The following CDH19 variants were observed in gnomAD, a reference collection of about 807,000 sequenced individuals.
CDH19 encodes cadherin 19.
In CDH19, 67 loss-of-function variants were observed where a neutral mutation model predicts 64.2. The ratio of observed to expected loss-of-function variants is 1.04; its 90% confidence interval spans 0.86 to 1.28. The LOEUF (loss-of-function observed/expected upper bound fraction) is 1.28. Ranked by LOEUF, CDH19 falls within the 50% of genes most tolerant of loss-of-function variation. CDH19 has a pLI of 0.00. For synonymous variants in CDH19, 346 were observed against 319.3 expected, an observed-to-expected ratio of 1.08 and a Z score of -0.89; for missense variants, 1,030 against 929.0, an observed-to-expected ratio of 1.11 and a Z score of -1.41.
intron 1 of CDH19, among the ~76,000 whole-genome samples, chr18:66,574,965 T>C (rs986871572): frequency 3.3e-5 from 5 of 151,778 alleles, no homozygotes; most frequent in African/African-American, 9.7e-5. Flanking sequence ...ATCAGCTGAA[T>C]TGAAAGAGAA....
rs371688912 is a variant in CDH19 at position 66,572,098 on chromosome 18, C to G, written c.107G>C (p.Arg36Pro). The change falls in exon 2 of 12, where the codon CGA (arginine) becomes CCA (proline). Residue 36 changes from arginine (R) to proline (P), a missense_variant. By Grantham distance (103) the Arg-to-Pro change is moderately radical. Transcript: ENST00000262150. ...SQTKKVKQPV[R>P]SHLRVKRGWV... ...GCCACGCTTCACTCTCAAATGAGAT[C>G]GCACTGGCTGCTTGACTTTCTTTGT... 1 of 1,611,594 alleles carries G rather than the reference C, an allele frequency of 6.2e-7. No individual in the cohort carries two copies. Among genetic ancestry groups the G allele is most frequent in the Non-Finnish European group, 8.5e-7 (1 of 1,178,404 alleles).
intron 7 of CDH19, among the ~76,000 whole-genome samples, chr18:66,542,067 A>T (rs1052211145): frequency 3.3e-5 from 5 of 152,178 alleles, no homozygotes; most frequent in African/African-American, 4.8e-5. Context: ...TATAAATGAT[A>T]ACATATGAAT....
Position 66,568,637 on chromosome 18 carries a change from A to G in CDH19, c.269T>C (p.Phe90Ser). The G allele has an allele frequency of 1.2e-6, 2 of 1,611,702 alleles. No homozygotes were observed. The highest frequency in any genetic ancestry group is 2.2e-5 in the South Asian group (2 of 91,028). The change falls in exon 3 of 12, where the codon TTT becomes TCT. Residue 90 changes from phenylalanine (F) to serine (S), a missense_variant. Transcript: ENST00000262150. ...KLLGAGAGST[F>S]IIDERTGDIY... ...GTCACCTGTTCTTTCATCAATGATAAAAGTACTTCCAGCTCCAGCTCCCAA... is the reference window on the plus strand; with the variant it reads ...GTCACCTGTTCTTTCATCAATGATAGAAGTACTTCCAGCTCCAGCTCCCAA...
At chr18:66,515,872 C>T (rs531187695) in intron 9 of CDH19, among the ~76,000 whole-genome samples, 7 of 151,868 alleles carry the variant, frequency 4.6e-5, no homozygotes, top group African/African-American at 1.7e-4. Context: ...TTACAGCACT[C>T]CAAGCAATCC....
intron 1 of CDH19, among the ~76,000 whole-genome samples, chr18:66,578,225 A>G (rs1299898386): frequency 6.6e-6 from 1 of 151,990 alleles, no homozygotes; most frequent in Non-Finnish European, 1.5e-5. Flanking sequence ...GACTGAGCGA[A>G]TATTTGTTAA....
intron 9 of CDH19, among the ~76,000 whole-genome samples, chr18:66,514,986 A>G (rs1298854052): frequency 6.6e-6 from 1 of 151,682 alleles, no homozygotes; most frequent in Non-Finnish European, 1.5e-5. Flanking sequence ...GGATTAGTCA[A>G]TGAATAAATT....
intron 9 of CDH19, among the ~76,000 whole-genome samples, chr18:66,513,275 T>C (rs544059013): frequency 6.6e-6 from 1 of 151,634 alleles, no homozygotes; most frequent in Admixed American, 6.6e-5. Flanking sequence ...TGTATGTATG[T>C]CAAAAGATTT....
chr18:66,552,153 C>G (rs1987367737), intron 4 of CDH19, among the ~76,000 whole-genome samples: 1 of 151,860 alleles, frequency 6.6e-6, no homozygotes, highest in Non-Finnish European at 1.5e-5. Context: ...TACCCCAAAC[C>G]TCAGCATCAC....
At position 66,567,217 on chromosome 18, in the gene CDH19, A is replaced by G. The variant is rs1987942598; in HGVS notation, c.490+1199T>C. 7.2e-5 allele frequency among the ~76,000 whole-genome samples: 11 copies of G among 151,876 alleles called. No individual in the cohort carries two copies. In the Admixed American group the frequency reaches 7.3e-4, roughly 10 times the overall value. ...TCTATAGTTTCAAAGGAAGATTCCT[A>G]GCATGTTACATCATAATATATGCAA... On this transcript the variant is annotated intron_variant, in intron 3 of 11. Transcript: ENST00000262150.
At chr18:66,547,918 C>T (rs1173761166) in intron 5 of CDH19, among the ~76,000 whole-genome samples, 1 of 143,262 alleles carries the variant, frequency 7.0e-6, no homozygotes, top group African/African-American at 2.8e-5. Context: ...CCGCCCGCCT[C>T]GGCCTCCCAA....
At chr18:66,559,442 T>C (rs1987639297) in intron 3 of CDH19, among the ~76,000 whole-genome samples, 1 of 151,792 alleles carries the variant, frequency 6.6e-6, no homozygotes, top group South Asian at 2.1e-4. Flanking sequence ...TTCGGCATTG[T>C]ACTGAACTTC....
At chr18:66,536,806 G>C (rs1180272386) in intron 7 of CDH19, among the ~76,000 whole-genome samples, 1 of 151,514 alleles carries the variant, frequency 6.6e-6, no homozygotes, top group African/African-American at 2.4e-5. Context: ...TGGCTTTGAG[G>C]TAAGTTTTAG....
chr18:66,558,734 C>T (rs1157437487), intron 3 of CDH19, among the ~76,000 whole-genome samples: 1 of 152,004 alleles, frequency 6.6e-6, no homozygotes, highest in Non-Finnish European at 1.5e-5. Context: ...AAGTGTCTTT[C>T]AGTGGAAATG....
At chr18:66,534,913 C>A in intron 8 of CDH19, 73 bp downstream of exon 8, 2 of 1,002,344 alleles carry the variant, frequency 2.0e-6, no homozygotes, top group South Asian at 2.9e-5. Flanking sequence ...TAGCCTTGTC[C>A]CCATGTATAG....
At chr18:66,544,958 C>G in intron 5 of CDH19, 55 bp from the exon 6 acceptor site, 1 of 1,271,704 alleles carries the variant, frequency 7.9e-7, no homozygotes, top group Non-Finnish European at 1.1e-6. Context: ...AGACAACTTG[C>G]AATTATAGTT....
At chr18:66,561,207 T>C (rs1323676650) in intron 3 of CDH19, among the ~76,000 whole-genome samples, 1 of 152,070 alleles carries the variant, frequency 6.6e-6, no homozygotes, top group Non-Finnish European at 1.5e-5. Flanking sequence ...GTTTGAAAAA[T>C]TCACTCTGGC....
At chr18:66,526,328 T>C (rs1386051057) in intron 9 of CDH19, among the ~76,000 whole-genome samples, 5 of 152,146 alleles carry the variant, frequency 3.3e-5, no homozygotes. Context: ...ATTTATACTT[T>C]AAGCAGGGCA....
In CDH19 at chr18:66,531,161, A is replaced by G. The variant is rs144040488; in HGVS notation, c.1337-1195T>C. 7.2e-3 allele frequency among the ~76,000 whole-genome samples: 1,091 copies of G among 152,286 alleles called. 9 individuals are homozygous for G. The highest frequency in any genetic ancestry group is 0.024 in the African/African-American group (1,014 of 41,572). Reference sequence around the variant, plus strand: ...TGACCCAATCTGTTAAACTTAAGCTACAGTCTAAGGTATCAGTATTTGAGT... The same window carrying G: ...TGACCCAATCTGTTAAACTTAAGCTGCAGTCTAAGGTATCAGTATTTGAGT... On this transcript the variant is annotated intron_variant, in intron 8 of 11. Coordinates refer to ENST00000262150, the MANE Select transcript of CDH19 (RefSeq NM_021153.4).
At chr18:66,572,830 A>G (rs909278809) in intron 1 of CDH19, among the ~76,000 whole-genome samples, 8 of 151,764 alleles carry the variant, frequency 5.3e-5, no homozygotes, top group African/African-American at 1.2e-4. Context: ...TGAATTCAAT[A>G]ATCAGTTACA....
Sources: allele counts gnomAD v4.1 joint callset (sites outside exome capture counted in the v4.1 genomes callset), GRCh38; gene constraint gnomAD v4.1.1; transcripts MANE v1.5; gene names NCBI Gene and HGNC (gene_info 2026-07-23, HGNC 2026-07-21).